The following PREX2 variants were observed in gnomAD, a reference collection of about 807,000 sequenced individuals.
The protein encoded by PREX2 is phosphatidylinositol-3,4,5-trisphosphate dependent Rac exchange factor 2.
In PREX2, 107 loss-of-function variants were observed where a neutral mutation model predicts 203.2. That is an observed-to-expected ratio of 0.53 (90% CI 0.45 to 0.62). The LOEUF is 0.62. Among genes scored for constraint, PREX2 ranks in the 20% least tolerant of loss-of-function variants. The pLI, the probability that PREX2 is intolerant of heterozygous loss-of-function variation, is 0.00. For missense variants in PREX2, 1,777 were observed against 1,955.9 expected (o/e 0.91, Z 1.72); for synonymous variants, 672 against 663.6 (o/e 1.01, Z -0.19).
intron 34 of PREX2, among the ~76,000 whole-genome samples, chr8:68,153,192 A>T (rs1254084510): frequency 1.3e-5 from 2 of 152,198 alleles, no homozygotes; most frequent in Non-Finnish European, 2.9e-5. Context: ...ATTTCTGGGG[A>T]ATTCTAGCAG....
chr8:68,030,774 G>GAATT, intron 6 of PREX2, 116 bp downstream of exon 6: 1 of 969,902 alleles, frequency 1.0e-6, no homozygotes, highest in Non-Finnish European at 1.6e-6. Context: ...TATTACTTGA[G>GAATT]GACTGTAGTC....
intron 1 of PREX2, among the ~76,000 whole-genome samples, chr8:67,992,335 T>TTTTTCTCTA (rs2129609503): frequency 6.6e-6 from 1 of 152,344 alleles, no homozygotes; most frequent in African/African-American, 2.4e-5. Context: ...AACATTCTGG[T>TTTTTCTCTA]TTTTCTCTAT....
chr8:68,115,839 G>C lies in PREX2; in HGVS notation c.3233G>C (p.Gly1078Ala). ...CCAACAGACAGTGACAATGAGAAGGGAGAAAGAAACAGCAAACGGGTATGT... is the reference window on the plus strand; with the variant it reads ...CCAACAGACAGTGACAATGAGAAGGCAGAAAGAAACAGCAAACGGGTATGT... Reference protein sequence around the residue: ...IIPTDSDNEKGERNSKRVCFN... With the variant: ...IIPTDSDNEKAERNSKRVCFN... The change falls in exon 26 of 40, where the codon GGA becomes GCA. Residue 1078 changes from glycine to alanine, a missense_variant. Physicochemically the swap from Gly to Ala is moderately conservative, Grantham distance 60. Coordinates refer to ENST00000288368, the MANE Select transcript of PREX2 (RefSeq NM_024870.4). 1.9e-6 allele frequency: 3 copies of C among 1,613,944 alleles called. No individual in the cohort carries two copies. The South Asian group carries it at 3.3e-5, about 18-fold the overall frequency.
chr8:68,023,314 G>C (rs972068047), intron 4 of PREX2, among the ~76,000 whole-genome samples: 4 of 152,118 alleles, frequency 2.6e-5, no homozygotes, highest in Non-Finnish European at 4.4e-5. Context: ...TCTGATTATA[G>C]CCATGCTAGT....
chr8:67,979,468 C>A (rs1419814431), intron 1 of PREX2, among the ~76,000 whole-genome samples: 1 of 152,154 alleles, frequency 6.6e-6, no homozygotes, highest in Non-Finnish European at 1.5e-5. Context: ...TATTTTCAAT[C>A]CCAGCACACT....
chr8:68,158,958 C>G (rs1159886605), intron 35 of PREX2, among the ~76,000 whole-genome samples: 1 of 151,966 alleles, frequency 6.6e-6, no homozygotes, highest in Non-Finnish European at 1.5e-5. Flanking sequence ...TTCAGAGTAT[C>G]GTCAATTTAG....
intron 25 of PREX2, among the ~76,000 whole-genome samples, chr8:68,111,914 G>A (rs904723154): frequency 3.2e-4 from 48 of 152,170 alleles, no homozygotes; most frequent in African/African-American, 1.2e-3. Flanking sequence ...AGCAGATCTC[G>A]GATGTGTTGC....
chr8:68,001,742 T>C (rs937771317), intron 1 of PREX2, among the ~76,000 whole-genome samples: 2 of 152,142 alleles, frequency 1.3e-5, no homozygotes, highest in African/African-American at 4.8e-5. Context: ...AGTACACACA[T>C]ACCACAGAAT....
chr8:68,047,478 TATATATA>T (rs1563516869), intron 8 of PREX2, among the ~76,000 whole-genome samples: 19 of 44,412 alleles, frequency 4.3e-4, no homozygotes, highest in African/African-American at 3.5e-3. Context: ...TTTATATATA[TATATATA>T]TATATATATA....
chr8:68,048,466 G>A (rs1422131170), intron 8 of PREX2, among the ~76,000 whole-genome samples: 1 of 151,846 alleles, frequency 6.6e-6, no homozygotes, highest in Non-Finnish European at 1.5e-5. Context: ...AATTCGAACT[G>A]GATAAGATGA....
chr8:68,011,891 C>T (rs911476882), intron 1 of PREX2, among the ~76,000 whole-genome samples: 2 of 152,138 alleles, frequency 1.3e-5, no homozygotes, highest in Non-Finnish European at 2.9e-5. Flanking sequence ...AAGAAATTCA[C>T]AAAAACACAC....
At chr8:67,969,200 G>C (rs568657829) in intron 1 of PREX2, among the ~76,000 whole-genome samples, 1 of 152,046 alleles carries the variant, frequency 6.6e-6, no homozygotes, top group Non-Finnish European at 1.5e-5. Flanking sequence ...TTAGAGTTTG[G>C]TCTAAGACAA....
chr8:68,189,517 TAAAATG>T (rs962172760), intron 35 of PREX2, among the ~76,000 whole-genome samples: 57 of 152,376 alleles, frequency 3.7e-4, no homozygotes, highest in African/African-American at 1.3e-3. Flanking sequence ...TTGAAAATTT[TAAAATG>T]ATGTCTCAAA....
In PREX2 at chr8:68,087,786, C is replaced by CTGT; in HGVS notation, c.2094_2096dup (p.Val699dup). The stretch of plus-strand genomic sequence containing the variant: ...TTCCAGATCCGGGGATTTGGCCCTT[C>CTGT]TGTTGTGCATGCTGTAGGAAGAGGT... On this transcript the variant is annotated inframe_insertion, in exon 19 of 40. Transcript: ENST00000288368. The CTGT allele has an allele frequency of 6.2e-7, 1 of 1,613,564 alleles. No homozygotes were observed. Among genetic ancestry groups the CTGT allele is most frequent in the Non-Finnish European group, 8.5e-7 (1 of 1,179,578 alleles).
At chr8:67,977,859 C>A (rs1419577859) in intron 1 of PREX2, among the ~76,000 whole-genome samples, 1 of 152,184 alleles carries the variant, frequency 6.6e-6, no homozygotes, top group East Asian at 1.9e-4. Flanking sequence ...CATGGAAGCT[C>A]TGCATCCCCT....
At chr8:68,057,178 A>G (rs1022855440) in intron 10 of PREX2, among the ~76,000 whole-genome samples, 4 of 152,076 alleles carry the variant, frequency 2.6e-5, no homozygotes, top group African/African-American at 9.7e-5. Flanking sequence ...ATGGTTTTAT[A>G]AGGGGCTCTT....
chr8:68,063,513 C>T (rs562348527), intron 11 of PREX2, among the ~76,000 whole-genome samples: 3 of 152,320 alleles, frequency 2.0e-5, no homozygotes, highest in South Asian at 2.1e-4. Context: ...CATCACTCAT[C>T]CTCTGCCACG....
At chr8:68,062,554 T>C (rs574684362) in intron 11 of PREX2, among the ~76,000 whole-genome samples, 2 of 152,288 alleles carry the variant, frequency 1.3e-5, no homozygotes, top group East Asian at 3.9e-4. Flanking sequence ...GACTTCCTAT[T>C]TAGGACCTTA....
chr8:67,952,726 C>G, intron 1 of PREX2, 191 bp downstream of exon 1: 2 of 743,906 alleles, frequency 2.7e-6, no homozygotes, highest in Non-Finnish European at 4.6e-6. Flanking sequence ...TTTGTTGGTG[C>G]CCCGAGACTC....
Sources: gnomAD v4.1 joint callset for allele counts (sites outside exome capture counted in the v4.1 genomes callset) on GRCh38, gnomAD v4.1.1 for gene constraint, MANE v1.5 for transcripts, NCBI Gene and HGNC (gene_info 2026-07-23, HGNC 2026-07-21) for gene names.